Variants in IL10RA observed in about 807,000 individuals in gnomAD.
IL10RA encodes the protein interleukin-10 receptor subunit alpha.
IL10RA carries 18 observed loss-of-function variants against 29.6 expected under a neutral mutation model. The ratio of observed to expected loss-of-function variants is 0.61; its 90% CI spans 0.42 to 0.90. IL10RA has a LOEUF of 0.90. IL10RA is among the 40% of genes least tolerant of loss of function. The pLI is 0.00. For missense variants in IL10RA, 634 were observed against 716.6 expected (o/e 0.88, Z 1.32); for synonymous variants, 292 against 294.1 (o/e 0.99, Z 0.07).
chr11:117,993,976 A>C, intron 4 of IL10RA, 23 bp from the exon 5 acceptor site: 1 of 1,609,222 alleles, frequency 6.2e-7, no homozygotes, highest in Non-Finnish European at 8.5e-7. Flanking sequence ...GGATTTTGTT[A>C]ATTGCTATCA....
intron 3 of IL10RA, among the ~76,000 whole-genome samples, chr11:117,991,699 T>C (rs982093778): frequency 4.6e-5 from 7 of 152,216 alleles, no homozygotes; most frequent in Non-Finnish European, 1.0e-4. Flanking sequence ...GCTCATGATG[T>C]CCTCTAGGTC....
At position 117,999,155 on chromosome 11, in the gene IL10RA, G is replaced by T. The variant is rs772384264; in HGVS notation, c.1251G>T (p.Gln417His). The part of the protein sequence containing the change: ...QNSEGRAGDT[Q>H]GGSALGHHSP... ...CTGAGGGCCGGGCTGGGGACACACA[G>T]GGTGGCTCGGCCTTGGGCCACCACA... The change falls in exon 7 of 7, where the codon CAG (glutamine) becomes CAT (histidine). Residue 417 changes from glutamine to histidine, a missense_variant. Coordinates refer to ENST00000227752, the MANE Select transcript of IL10RA (RefSeq NM_001558.4). 6.2e-7 allele frequency: 1 copy of T among 1,614,102 alleles called. No homozygotes were observed. Among genetic ancestry groups the T allele is most frequent in the Non-Finnish European group, 8.5e-7 (1 of 1,179,940 alleles).
chr11:117,992,018 A>G (rs533064645), intron 3 of IL10RA, among the ~76,000 whole-genome samples: 2 of 152,226 alleles, frequency 1.3e-5, no homozygotes, highest in South Asian at 4.1e-4. Flanking sequence ...TACAGGCGTG[A>G]GCCACTGGGC....
Position 117,999,299 on chromosome 11 carries a change from A to G in IL10RA, c.1395A>G (p.Glu465=). The G allele has an allele frequency of 6.2e-7, 1 of 1,614,216 alleles. No individual in the cohort carries two copies. The highest frequency in any genetic ancestry group is 8.5e-7 in the Non-Finnish European group (1 of 1,180,010). Residue 465 remains glutamate, a synonymous_variant, in exon 7 of 7, where the codon GAA becomes GAG. Coordinates refer to ENST00000227752, the MANE Select transcript of IL10RA (RefSeq NM_001558.4). ...CAACCAAGACAGGCTGCCTGGAGGA[A>G]GAATCGCCCTTGACAGATGGCCTTG... The part of the protein sequence containing the change: ...EKATKTGCLE[E]ESPLTDGLGP...
intron 4 of IL10RA, among the ~76,000 whole-genome samples, chr11:117,993,717 T>C (rs1056933459): frequency 3.3e-5 from 5 of 152,230 alleles, no homozygotes; most frequent in Non-Finnish European, 7.3e-5. Flanking sequence ...AGAGCTGGCA[T>C]CTGCAAAATC....
In IL10RA at chr11:117,999,416, G is replaced by T; in HGVS notation, c.1512G>T (p.Met504Ile). 4 of 1,614,222 alleles carry T rather than the reference G, an allele frequency of 2.5e-6. No individual in the cohort carries two copies. The highest frequency in any genetic ancestry group is 3.4e-6 in the Non-Finnish European group (4 of 1,180,038). Reference protein sequence around the residue: ...KGYLKQDPLEMTLASSGAPTG... With the variant: ...KGYLKQDPLEITLASSGAPTG... ...ATTTGAAACAGGATCCTCTAGAAAT[G>T]ACTCTGGCTTCCTCAGGGGCCCCAA... Residue 504 changes from methionine (M) to isoleucine (I), a missense_variant, in exon 7 of 7, where the codon ATG becomes ATT. By Grantham distance (10) the Met-to-Ile change is conservative. Transcript: ENST00000227752.
chr11:117,986,752 G>C, intron 1 of IL10RA: 1 of 1,532,364 alleles, frequency 6.5e-7, no homozygotes, highest in Non-Finnish European at 8.7e-7. Context: ...GGATAGAGAA[G>C]TATGCGCAAG....
chr11:117,987,134 AC>A, intron 1 of IL10RA: 1 of 336,616 alleles, frequency 3.0e-6, no homozygotes, highest in South Asian at 2.3e-5. Context: ...AGAAAAGTAA[AC>A]CCCAGAGACA....
At chr11:117,991,122 C>A (rs1429889859) in intron 3 of IL10RA, among the ~76,000 whole-genome samples, 2 of 152,030 alleles carry the variant, frequency 1.3e-5, no homozygotes, top group African/African-American at 2.4e-5. Context: ...CACTTGAACT[C>A]AGGAGGCAGA....
At chr11:117,993,902 G>A in intron 4 of IL10RA, 97 bp from the exon 5 acceptor site, 1 of 956,242 alleles carries the variant, frequency 1.0e-6, no homozygotes. Flanking sequence ...ATACTGAAGG[G>A]GGTTGGCTGA....
In IL10RA at chr11:117,995,948, A is replaced by G. The variant is rs377263904; in HGVS notation, c.810+238A>G. ...TAGCTCAGATGAGACACATGGAATCACAAATCTCAATGACCACGAGCCATT... is the reference window on the plus strand; with the variant it reads ...TAGCTCAGATGAGACACATGGAATCGCAAATCTCAATGACCACGAGCCATT... On this transcript the variant is annotated intron_variant, in intron 6 of 6. Coordinates refer to ENST00000227752, the MANE Select transcript of IL10RA (RefSeq NM_001558.4). Among the ~76,000 whole-genome samples the G allele has an allele frequency of 3.9e-5, 6 of 152,324 alleles. No homozygotes were observed. In the East Asian group the frequency reaches 1.2e-3, roughly 29 times the overall value.
At chr11:117,988,598 G>T (rs1306326004) in intron 2 of IL10RA, 96 bp downstream of exon 2, 1 of 1,445,490 alleles carries the variant, frequency 6.9e-7, no homozygotes, top group Non-Finnish European at 9.7e-7. Flanking sequence ...TGTTAATGAA[G>T]TGAGTGCCTG....
In IL10RA at chr11:117,991,702, T is replaced by C. The variant is rs4252260; in HGVS notation, c.368-1539T>C. The stretch of plus-strand genomic sequence containing the variant: ...CTGGCTTATTTCGCTCATGATGTCC[T>C]CTAGGTCCATCTGTGTTGTCCCAAA... On this transcript the variant is annotated intron_variant, in intron 3 of 6. Transcript: ENST00000227752. Among the ~76,000 whole-genome samples the C allele has an allele frequency of 2.7e-3, 411 of 152,308 alleles. 2 individuals are homozygous for C. Among genetic ancestry groups the C allele is most frequent in the African/African-American group, 9.5e-3 (393 of 41,560 alleles).
At position 117,986,459 on chromosome 11, in the gene IL10RA, G is replaced by C; in HGVS notation, c.-9G>C. On this transcript the variant is annotated 5_prime_UTR_variant, in exon 1 of 7. Transcript: ENST00000227752. Reference sequence around the variant, plus strand: ...CCGCTCCGGCCCCGGACGATGCGGCGCGCCCAGGATGCTGCCGTGCCTCGT... The same window carrying C: ...CCGCTCCGGCCCCGGACGATGCGGCCCGCCCAGGATGCTGCCGTGCCTCGT... 6.4e-7 allele frequency: 1 copy of C among 1,551,622 alleles called. No individual in the cohort carries two copies. Among genetic ancestry groups the C allele is most frequent in the African/African-American group, 1.4e-5 (1 of 73,184 alleles).
rs1485696685 is a variant in IL10RA at position 117,993,234 on chromosome 11, C to T, written c.368-7C>T. ...ATGGTATTCCCCCCCACCCCAACTC[C>T]ATTTAGTGACTCTGACAGTTGGCAG... On this transcript the variant is annotated splice_polypyrimidine_tract_variant and splice_region_variant and intron_variant, in intron 3 of 6. Coordinates refer to ENST00000227752, the MANE Select transcript of IL10RA (RefSeq NM_001558.4). 6.2e-7 allele frequency: 1 copy of T among 1,613,764 alleles called. No individual in the cohort carries two copies. The highest frequency in any genetic ancestry group is 8.5e-7 in the Non-Finnish European group (1 of 1,179,786).
chr11:118,002,817 A>T (rs1276925572), downstream of IL10RA: 1 of 152,214 alleles, frequency 6.6e-6, no homozygotes, highest in African/African-American at 2.4e-5. Flanking sequence ...CTGATGAGAC[A>T]CTTGCAGATT....
chr11:117,990,505 A>G (rs894162662), intron 3 of IL10RA, among the ~76,000 whole-genome samples: 2 of 152,208 alleles, frequency 1.3e-5, no homozygotes, highest in African/African-American at 2.4e-5. Context: ...TGATAACAGC[A>G]TGGTAGTTAT....
chr11:117,986,780 C>CA (rs2057989632), intron 1 of IL10RA: 1 of 1,527,272 alleles, frequency 6.5e-7, no homozygotes, highest in African/African-American at 1.4e-5. Context: ...CCCCAACCCG[C>CA]AAACCTCATC....
chr11:117,993,472 G>A, intron 4 of IL10RA, 62 bp downstream of exon 4: 2 of 1,447,806 alleles, frequency 1.4e-6, no homozygotes, highest in South Asian at 2.3e-5. Flanking sequence ...CCCTGGGCTG[G>A]AAGCACCCTT....
Sources: allele counts gnomAD v4.1 joint callset (sites outside exome capture counted in the v4.1 genomes callset), GRCh38; gene constraint gnomAD v4.1.1; transcripts MANE v1.5; gene names NCBI Gene and HGNC (gene_info 2026-07-23, HGNC 2026-07-21).